LINS1: variants seen among roughly 807,000 people sequenced by gnomAD.
LINS1 encodes the protein lines homolog 1.
LINS1 carries 27 observed loss-of-function variants against 41.6 expected under a neutral mutation model. That is an observed-to-expected ratio of 0.65 (90% CI 0.48 to 0.89). The LOEUF (loss-of-function observed/expected upper bound fraction) is 0.89. LINS1 is among the 40% of genes least tolerant of loss of function. LINS1 has a pLI of 0.00. For synonymous variants in LINS1, 336 were observed against 312.9 expected, an observed-to-expected ratio of 1.07 and a Z score of -0.78; for missense variants, 955 against 884.1, an observed-to-expected ratio of 1.08 and a Z score of -1.02.
chr15:100,601,631 T>A (rs1410529987), intron 1 of LINS1, among the ~76,000 whole-genome samples: 1 of 151,906 alleles, frequency 6.6e-6, no homozygotes, highest in African/African-American at 2.4e-5. Context: ...ATATAACCCA[T>A]CCCTATCTGA....
chr15:100,575,067 C>T lies in LINS1; in HGVS notation c.551G>A (p.Ser184Asn), dbSNP rs1336732130. 3 of 1,612,186 alleles carry T rather than the reference C, an allele frequency of 1.9e-6. No homozygotes were observed. Among genetic ancestry groups the T allele is most frequent in the African/African-American group, 2.7e-5 (2 of 74,864 alleles). Residue 184 changes from serine (S) to asparagine (N), a missense_variant, in exon 4 of 7, where the codon AGT becomes AAT. By Grantham distance (46) the Ser-to-Asn change is conservative. Transcript: ENST00000314742. ...CQKNLSEYSE[S>N]NKAIYCLWTL... ...CCAGAGGCAGTATATTGCTTTATTA[C>T]TCTCAGAGTATTCAGAAAGATTTTT...
intron 1 of LINS1, among the ~76,000 whole-genome samples, chr15:100,599,074 A>G (rs2039363788): frequency 6.6e-6 from 1 of 152,168 alleles, no homozygotes; most frequent in African/African-American, 2.4e-5. Context: ...GTCTCTTTCT[A>G]CTCAAGAAAT....
intron 1 of LINS1, among the ~76,000 whole-genome samples, chr15:100,593,821 G>A (rs2141353649): frequency 6.6e-6 from 1 of 152,318 alleles, no homozygotes; most frequent in Admixed American, 6.5e-5. Flanking sequence ...AAACAATAGT[G>A]CTCAGAAACA....
Position 100,580,809 on chromosome 15 carries a change from A to AT in LINS1, c.33dup (p.Tyr12IlefsTer11). 1 of 1,612,720 alleles carries AT rather than the reference A, an allele frequency of 6.2e-7. No individual in the cohort carries two copies. The highest frequency in any genetic ancestry group is 1.7e-5 in the Admixed American group (1 of 59,814). On this transcript the variant is annotated frameshift_variant, in exon 2 of 7. Coordinates refer to ENST00000314742, the MANE Select transcript of LINS1 (RefSeq NM_001040616.3). LOFTEE classifies it high-confidence loss of function. ...GTGGCTCCAAGAAGTACCTTCTTGT[A>AT]TAACTCTTCTAAAACTTCACAGAAA...
intron 1 of LINS1, among the ~76,000 whole-genome samples, chr15:100,598,094 G>C (rs2039326580): frequency 6.6e-6 from 1 of 152,302 alleles, no homozygotes; most frequent in African/African-American, 2.4e-5. Flanking sequence ...GGCAGGGGTA[G>C]GTCCTCCGGT....
At chr15:100,579,924 ACT>A (rs1484151653) in intron 3 of LINS1, among the ~76,000 whole-genome samples, 1 of 151,988 alleles carries the variant, frequency 6.6e-6, no homozygotes, top group Non-Finnish European at 1.5e-5. Context: ...CACATTTAAG[ACT>A]CTAATCCTTG....
chr15:100,574,020 C>T lies in LINS1; in HGVS notation c.853G>A (p.Glu285Lys), dbSNP rs1323852052. Residue 285 changes from glutamate to lysine, a missense_variant, in exon 5 of 7, where the codon GAA becomes AAA. Transcript: ENST00000314742. ...ILFLKPSCMLEVITWPIQAFV... is the reference protein window; with the variant it reads ...ILFLKPSCMLKVITWPIQAFV... ...GCCTGAATAGGCCAGGTAATAACTT[C>T]TAGCATGCAAGATGGTTTCAAAAAT... is the stretch of plus-strand genomic sequence containing the variant. 7 of 1,614,056 alleles carry T rather than the reference C, an allele frequency of 4.3e-6. No individual in the cohort carries two copies. The highest frequency in any genetic ancestry group is 5.9e-6 in the Non-Finnish European group (7 of 1,179,914).
At chr15:100,572,960 G>T in intron 5 of LINS1, 1 of 429,984 alleles carries the variant, frequency 2.3e-6, no homozygotes, top group Non-Finnish European at 3.1e-6. Context: ...AGCTCAAAAC[G>T]TTGAGGCTGC....
rs1567088225 is a variant in LINS1 at position 100,580,297 on chromosome 15, A to C, written c.455T>G (p.Leu152Arg). 6.2e-7 allele frequency: 1 copy of C among 1,612,248 alleles called. No homozygotes were observed. The highest frequency in any genetic ancestry group is 2.2e-5 in the East Asian group (1 of 44,830). ...KLLSHMAAQC[L>R]ALLLYFQLRE... ...CAATTGGAAATATAGAAGCAATGCAAGGCACTGTGCAGCCATGTGAGATAA... is the reference window on the plus strand; with the variant it reads ...CAATTGGAAATATAGAAGCAATGCACGGCACTGTGCAGCCATGTGAGATAA... Residue 152 changes from leucine (L) to arginine (R), a missense_variant, in exon 3 of 7, where the codon CTT becomes CGT. Coordinates refer to ENST00000314742, the MANE Select transcript of LINS1 (RefSeq NM_001040616.3).
intron 5 of LINS1, 198 bp from the exon 6 acceptor site, chr15:100,572,263 C>T (rs2037873487): frequency 7.2e-7 from 1 of 1,397,574 alleles, no homozygotes; most frequent in South Asian, 1.5e-5. Flanking sequence ...AAAAAAGTGA[C>T]TCATTCCAGA....
chr15:100,591,828 G>A (rs1374058420), intron 1 of LINS1, among the ~76,000 whole-genome samples: 1 of 152,144 alleles, frequency 6.6e-6, no homozygotes, highest in Admixed American at 6.5e-5. Context: ...TTCCCAATAG[G>A]TAGGGACTGT....
At chr15:100,592,414 A>G (rs2039078151) in intron 1 of LINS1, among the ~76,000 whole-genome samples, 1 of 151,968 alleles carries the variant, frequency 6.6e-6, no homozygotes, top group Non-Finnish European at 1.5e-5. Context: ...TTGGTGATAG[A>G]CTCAACCTTG....
intron 6 of LINS1, among the ~76,000 whole-genome samples, chr15:100,571,136 C>CT (rs1461505677): frequency 1.3e-5 from 2 of 152,304 alleles, no homozygotes; most frequent in African/African-American, 4.8e-5. Flanking sequence ...ACTCAAGAGT[C>CT]TAAGAGCAGC....
intron 1 of LINS1, among the ~76,000 whole-genome samples, chr15:100,584,212 A>T (rs1328730997): frequency 1.3e-5 from 2 of 152,250 alleles, no homozygotes; most frequent in South Asian, 4.1e-4. Flanking sequence ...TCACATGCTC[A>T]ACTCTTTTAG....
rs191413983 is a variant in LINS1 at position 100,597,117 on chromosome 15, T to C, written c.-104+5004A>G. Among the ~76,000 whole-genome samples, 13 of 152,334 alleles carry C rather than the reference T, an allele frequency of 8.5e-5. No individual in the cohort carries two copies. In the East Asian group the frequency reaches 2.3e-3, roughly 27 times the overall value. ...CAGGCTCCTCTTTTGAGTGTGCACT[T>C]GCTTTCACTCTGCAACAAACCTTCT... On this transcript the variant is annotated intron_variant, in intron 1 of 6. Coordinates refer to ENST00000314742, the MANE Select transcript of LINS1 (RefSeq NM_001040616.3).
rs943749010 is a variant in LINS1 at position 100,580,767 on chromosome 15, G to T, written c.76C>A (p.His26Asn). 7 of 1,609,520 alleles carry T rather than the reference G, an allele frequency of 4.3e-6. No homozygotes were observed. Among genetic ancestry groups the T allele is most frequent in the Non-Finnish European group, 5.9e-6 (7 of 1,176,794 alleles). The stretch of plus-strand genomic sequence containing the variant: ...GGGTTGAGATAAAAGATGTAATCAT[G>T]GCTGTCATTTTCAAGTGTGGCTCCA... The part of the protein sequence containing the change: ...LLGATLENDS[H>N]DYIFYLNPAV... The change falls in exon 2 of 7, where the codon CAT (histidine) becomes AAT (asparagine). Residue 26 changes from histidine (H) to asparagine (N), a missense_variant. Physicochemically the swap from His to Asn is moderately conservative, Grantham distance 68 (BLOSUM62 1). Transcript: ENST00000314742.
rs1207352273 is a variant in LINS1, at chr15:100,601,052, G to T, written c.-104+1069C>A. On this transcript the variant is annotated intron_variant, in intron 1 of 6. Coordinates refer to ENST00000314742, the MANE Select transcript of LINS1 (RefSeq NM_001040616.3). ...TCTGGCAGTTCCTGTAAACAGCAAAGCATATTCTAGCATCAGAGGCTTTGC... is the reference window on the plus strand; with the variant it reads ...TCTGGCAGTTCCTGTAAACAGCAAATCATATTCTAGCATCAGAGGCTTTGC... Among the ~76,000 whole-genome samples, 4 of 152,278 alleles carry T rather than the reference G, an allele frequency of 2.6e-5. No individual in the cohort carries two copies. The South Asian group carries it at 8.3e-4, about 32-fold the overall frequency.
At chr15:100,572,164 G>A in intron 5 of LINS1, 99 bp from the exon 6 acceptor site, 1 of 1,545,196 alleles carries the variant, frequency 6.5e-7, no homozygotes. Flanking sequence ...ACCTTAAGAT[G>A]CAATTATCCT....
chr15:100,591,328 T>C (rs954431366), intron 1 of LINS1, among the ~76,000 whole-genome samples: 6 of 152,180 alleles, frequency 3.9e-5, no homozygotes, highest in Non-Finnish European at 8.8e-5. Flanking sequence ...TGTGTGAACA[T>C]GAGGACACCA....
Sources: allele counts gnomAD v4.1 joint callset (sites outside exome capture counted in the v4.1 genomes callset), GRCh38; gene constraint gnomAD v4.1.1; transcripts MANE v1.5; gene names NCBI Gene and HGNC (gene_info 2026-07-23, HGNC 2026-07-21).